Variants in PTPRD observed in about 807,000 individuals in gnomAD.
PTPRD encodes the protein receptor-type tyrosine-protein phosphatase delta.
In PTPRD, 34 loss-of-function variants were observed where a neutral mutation model predicts 214.5. That is an observed-to-expected ratio of 0.16 (90% CI 0.12 to 0.21). The LOEUF is 0.21. Ranked by LOEUF, PTPRD falls within the 10% of genes least tolerant of loss-of-function variation. The pLI is 1.00. For synonymous variants in PTPRD, 1,128 were observed against 845.7 expected (o/e 1.33, Z -5.79); for missense variants, 2,545 against 2,398.7 (o/e 1.06, Z -1.27).
chr9:9,940,987 C>T (rs2091298328), intron 4 of PTPRD, among the ~76,000 whole-genome samples: 1 of 152,024 alleles, frequency 6.6e-6, no homozygotes, highest in Admixed American at 6.6e-5. Context: ...AAGCTTTTGG[C>T]TTCCCTGGGC....
chr9:10,226,352 C>T (rs2099588871), intron 3 of PTPRD, among the ~76,000 whole-genome samples: 1 of 151,940 alleles, frequency 6.6e-6, no homozygotes, highest in Admixed American at 6.6e-5. Context: ...GAGTGGAGAA[C>T]AGCAATGGAA....
chr9:8,899,495 A>T (rs2154250133), intron 11 of PTPRD, among the ~76,000 whole-genome samples: 1 of 152,214 alleles, frequency 6.6e-6, no homozygotes, highest in East Asian at 1.9e-4. Flanking sequence ...TAATACTTGG[A>T]TGGTGTCAGA....
intron 10 of PTPRD, among the ~76,000 whole-genome samples, chr9:9,088,591 A>C (rs1323867442): frequency 7.0e-6 from 1 of 143,538 alleles, no homozygotes; most frequent in Non-Finnish European, 1.5e-5. Flanking sequence ...GAAAAAAAAA[A>C]AAAAAAAAAA....
At chr9:10,527,962 G>A (rs2054839767) in intron 2 of PTPRD, among the ~76,000 whole-genome samples, 1 of 152,040 alleles carries the variant, frequency 6.6e-6, no homozygotes, top group Non-Finnish European at 1.5e-5. Flanking sequence ...ATAATCCATA[G>A]TAAATATTGA....
At chr9:9,331,893 G>C (rs1449561797) in intron 9 of PTPRD, among the ~76,000 whole-genome samples, 1 of 151,984 alleles carries the variant, frequency 6.6e-6, no homozygotes, top group Admixed American at 6.6e-5. Flanking sequence ...GCCCAACATA[G>C]CAAATTCTGG....
At chr9:9,546,456 T>C (rs1277823354) in intron 8 of PTPRD, among the ~76,000 whole-genome samples, 1 of 151,822 alleles carries the variant, frequency 6.6e-6, no homozygotes, top group Non-Finnish European at 1.5e-5. Flanking sequence ...GTTTTTCTAA[T>C]TAATGCCATT....
chr9:9,601,152 T>TGAG (rs1554681731), intron 7 of PTPRD, among the ~76,000 whole-genome samples: 10 of 67,228 alleles, frequency 1.5e-4, no homozygotes, highest in African/African-American at 7.7e-4. Flanking sequence ...TGTGTGTGTA[T>TGAG]GGGGGGGGGA....
intron 12 of PTPRD, among the ~76,000 whole-genome samples, chr9:8,668,540 T>C (rs940892004): frequency 2.6e-5 from 4 of 152,312 alleles, no homozygotes; most frequent in South Asian, 2.1e-4. Context: ...TGATTTTTAA[T>C]CTTAACTGTA....
chr9:10,475,803 A>G lies in PTPRD; in HGVS notation c.-599-134786T>C, dbSNP rs570954688. Among the ~76,000 whole-genome samples the G allele has an allele frequency of 4.6e-3, 693 of 152,138 alleles. 7 individuals carry two copies. The highest frequency in any genetic ancestry group is 0.016 in the African/African-American group (662 of 41,524). On this transcript the variant is annotated intron_variant, in intron 2 of 45. Transcript: ENST00000381196. ...CCACGATCAAGTCGGTTTCATCCCC[A>G]GGATGCAAGGCTGGTTCAATATATG...
chr9:9,055,863 T>C (rs1170860201), intron 10 of PTPRD, among the ~76,000 whole-genome samples: 1 of 151,092 alleles, frequency 6.6e-6, no homozygotes, highest in Non-Finnish European at 1.5e-5. Context: ...TACATATGCA[T>C]TATATATGTT....
rs190995673 is a variant in PTPRD at position 9,238,759 on chromosome 9, T to G, written c.-202-55396A>C. 7.2e-5 allele frequency among the ~76,000 whole-genome samples: 11 copies of G among 152,326 alleles called. No individual in the cohort carries two copies. The East Asian group carries it at 2.1e-3, about 29-fold the overall frequency. The stretch of plus-strand genomic sequence containing the variant: ...ACAACCTAAGCTTGTGGCATTTTAC[T>G]CTTATGCTTTTATCTTCATTTTGAG... On this transcript the variant is annotated intron_variant, in intron 9 of 45. Transcript: ENST00000381196.
chr9:8,843,863 G>A, intron 11 of PTPRD, among the ~76,000 whole-genome samples: 1 of 152,150 alleles, frequency 6.6e-6, no homozygotes, highest in East Asian at 1.9e-4. Context: ...AAGATGGAGA[G>A]GTCAGCTGGA....
At chr9:8,925,192 T>C (rs72706235) in intron 11 of PTPRD, among the ~76,000 whole-genome samples, 6,409 of 152,242 alleles carry the variant, frequency 0.042, 186 homozygotes, top group Admixed American at 0.092. Context: ...TATGTGATGA[T>C]GCAGCCAACG....
At chr9:10,261,092 TATATAG>T (rs1391393297) in intron 3 of PTPRD, among the ~76,000 whole-genome samples, 1 of 142,456 alleles carries the variant, frequency 7.0e-6, no homozygotes, top group Non-Finnish European at 1.5e-5. Flanking sequence ...TATATATATA[TATATAG>T]AGAGAGAGTC....
chr9:8,974,990 G>C (rs2099260230), intron 11 of PTPRD, among the ~76,000 whole-genome samples: 1 of 151,228 alleles, frequency 6.6e-6, no homozygotes. Context: ...CTAGCTACTT[G>C]GGAGGCTGAG....
At chr9:8,583,247 ACCT>A in intron 14 of PTPRD, among the ~76,000 whole-genome samples, 1 of 152,268 alleles carries the variant, frequency 6.6e-6, no homozygotes, top group Non-Finnish European at 1.5e-5. Context: ...TCCGCTGCTC[ACCT>A]CCTGCTGTGC....
At chr9:10,250,802 G>A (rs993375511) in intron 3 of PTPRD, among the ~76,000 whole-genome samples, 1 of 151,378 alleles carries the variant, frequency 6.6e-6, no homozygotes, top group East Asian at 1.9e-4. Flanking sequence ...AATAATATGT[G>A]GAATAAGATA....
chr9:10,395,570 T>C (rs2098152616), intron 2 of PTPRD, among the ~76,000 whole-genome samples: 1 of 152,086 alleles, frequency 6.6e-6, no homozygotes. Flanking sequence ...AAGATGATTA[T>C]TGACCACAAA....
At chr9:10,536,763 C>T (rs564918228) in intron 2 of PTPRD, among the ~76,000 whole-genome samples, 1 of 152,258 alleles carries the variant, frequency 6.6e-6, no homozygotes, top group South Asian at 2.1e-4. Context: ...AGTCAGCTGT[C>T]TCATTAAAAG....
Sources: gnomAD v4.1 joint callset for allele counts (sites outside exome capture counted in the v4.1 genomes callset) on GRCh38, gnomAD v4.1.1 for gene constraint, MANE v1.5 for transcripts, NCBI Gene and HGNC (gene_info 2026-07-23, HGNC 2026-07-21) for gene names.